The following AUTS2 variants were observed in gnomAD, a reference collection of about 807,000 sequenced individuals.
AUTS2 encodes autism susceptibility gene 2 protein.
A neutral mutation model predicts 112.4 loss-of-function variants in AUTS2; 17 were observed. That is an observed-to-expected ratio of 0.15 (90% CI 0.10 to 0.23). The LOEUF is 0.23. Among genes scored for constraint, AUTS2 ranks in the 10% least tolerant of loss-of-function variants. AUTS2 has a pLI of 1.00. For missense variants in AUTS2, 1,510 were observed against 1,701.6 expected (o/e 0.89, Z 1.98); for synonymous variants, 751 against 702.7 (o/e 1.07, Z -1.09).
intron 2 of AUTS2, among the ~76,000 whole-genome samples, chr7:70,031,834 GGATCTACT>G (rs2129556616): frequency 6.6e-6 from 1 of 152,160 alleles, no homozygotes; most frequent in Non-Finnish European, 1.5e-5. Context: ...AAAAGCAATA[GGATCTACT>G]GATCACAGTC....
intron 4 of AUTS2, among the ~76,000 whole-genome samples, chr7:70,370,851 T>TA (rs1346182868): frequency 1.3e-5 from 2 of 152,120 alleles, no homozygotes; most frequent in Non-Finnish European, 2.9e-5. Flanking sequence ...TTTTTTTTTT[T>TA]ATTATAGCCA....
At chr7:70,461,070 T>C (rs1796942667) in intron 5 of AUTS2, among the ~76,000 whole-genome samples, 1 of 152,138 alleles carries the variant, frequency 6.6e-6, no homozygotes, top group Non-Finnish European at 1.5e-5. Flanking sequence ...CCTGGGTTAG[T>C]TGAAGCTTTG....
chr7:70,129,423 C>T (rs1399229287), intron 3 of AUTS2, among the ~76,000 whole-genome samples: 3 of 152,160 alleles, frequency 2.0e-5, no homozygotes, highest in Non-Finnish European at 4.4e-5. Context: ...ATGTTCAACT[C>T]ATCTAAAAAC....
chr7:70,131,208 T>C (rs1399116888), intron 3 of AUTS2, among the ~76,000 whole-genome samples: 1 of 151,868 alleles, frequency 6.6e-6, no homozygotes, highest in East Asian at 1.9e-4. Flanking sequence ...TCCCAACACT[T>C]GGGAAGCCGA....
chr7:70,303,430 G>GCACACACA (rs1171296742), intron 4 of AUTS2, among the ~76,000 whole-genome samples: 172 of 109,944 alleles, frequency 1.6e-3, no homozygotes, highest in African/African-American at 6.1e-3. Flanking sequence ...ACACGCGCGC[G>GCACACACA]CGCGCACATA....
chr7:69,946,415 A>T (rs936722705), intron 2 of AUTS2, among the ~76,000 whole-genome samples: 3 of 152,200 alleles, frequency 2.0e-5, no homozygotes, highest in African/African-American at 7.2e-5. Context: ...TTCTCAGTAT[A>T]TATCTAAAGG....
intron 1 of AUTS2, among the ~76,000 whole-genome samples, chr7:69,713,793 G>C (rs956758252): frequency 6.6e-6 from 1 of 152,056 alleles, no homozygotes; most frequent in Non-Finnish European, 1.5e-5. Context: ...TAATTGAGGT[G>C]TTTTATTAAA....
intron 5 of AUTS2, among the ~76,000 whole-genome samples, chr7:70,618,733 AAAG>A (rs1367505711): frequency 6.6e-6 from 1 of 151,576 alleles, no homozygotes; most frequent in Non-Finnish European, 1.5e-5. Context: ...AGAGAGAGAG[AAAG>A]AGAGAGAGAG....
chr7:69,629,171 T>C (rs959970984), intron 1 of AUTS2, among the ~76,000 whole-genome samples: 1 of 152,080 alleles, frequency 6.6e-6, no homozygotes, highest in African/African-American at 2.4e-5. Flanking sequence ...TCAAGATCTA[T>C]AAAATAACAG....
At chr7:69,932,920 G>C (rs796820870) in intron 2 of AUTS2, among the ~76,000 whole-genome samples, 3 of 152,176 alleles carry the variant, frequency 2.0e-5, no homozygotes, top group Admixed American at 6.5e-5. Context: ...CAGTCAACCA[G>C]ATTGGTCTAT....
chr7:70,160,999 G>A (rs747573597), intron 4 of AUTS2, among the ~76,000 whole-genome samples: 1 of 152,164 alleles, frequency 6.6e-6, no homozygotes, highest in Non-Finnish European at 1.5e-5. Flanking sequence ...GAACTTGTGC[G>A]TTCCTGATAT....
chr7:69,857,342 T>C (rs1330255868), intron 1 of AUTS2, among the ~76,000 whole-genome samples: 2 of 152,188 alleles, frequency 1.3e-5, no homozygotes, highest in Non-Finnish European at 2.9e-5. Flanking sequence ...GACAGTGTCG[T>C]ACAATGAGGG....
intron 4 of AUTS2, among the ~76,000 whole-genome samples, chr7:70,166,129 A>G (rs1808368749): frequency 6.6e-6 from 1 of 152,106 alleles, no homozygotes; most frequent in Non-Finnish European, 1.5e-5. Context: ...AGGCTGTGGA[A>G]CCATGAGTCG....
chr7:70,436,255 G>A (rs1469373507), intron 5 of AUTS2: 10 of 154,268 alleles, frequency 6.5e-5, no homozygotes, highest in African/African-American at 2.2e-4. Context: ...CATGGGGTAC[G>A]GGTGGGCAAG....
chr7:70,770,300 C>A (rs2129558087), intron 10 of AUTS2, among the ~76,000 whole-genome samples: 2 of 152,262 alleles, frequency 1.3e-5, no homozygotes, highest in East Asian at 3.9e-4. Context: ...TTTGCTGCAT[C>A]ATTGAAGGGA....
chr7:69,980,047 A>G (rs574610218), intron 2 of AUTS2, among the ~76,000 whole-genome samples: 1 of 152,146 alleles, frequency 6.6e-6, no homozygotes, highest in South Asian at 2.1e-4. Flanking sequence ...TCTTCTCCAC[A>G]TGGTACCACC....
intron 2 of AUTS2, among the ~76,000 whole-genome samples, chr7:69,952,348 T>C (rs1797059800): frequency 6.6e-6 from 1 of 152,202 alleles, no homozygotes; most frequent in African/African-American, 2.4e-5. Context: ...TGCAGATAGT[T>C]CATGGGCAGC....
chr7:69,785,310 T>C (rs1421835900), intron 1 of AUTS2, among the ~76,000 whole-genome samples: 1 of 152,244 alleles, frequency 6.6e-6, no homozygotes, highest in Non-Finnish European at 1.5e-5. Flanking sequence ...AGATTAGAGT[T>C]CACCATCACA....
chr7:69,687,124 T>C (rs1306551299), intron 1 of AUTS2, among the ~76,000 whole-genome samples: 7 of 152,210 alleles, frequency 4.6e-5, no homozygotes, highest in Admixed American at 2.6e-4. Context: ...AGTCTCATTA[T>C]TGGAAAATTA....
Sources: gnomAD v4.1 joint callset for allele counts (sites outside exome capture counted in the v4.1 genomes callset) on GRCh38, gnomAD v4.1.1 for gene constraint, MANE v1.5 for transcripts, NCBI Gene and HGNC (gene_info 2026-07-23, HGNC 2026-07-21) for gene names.